Variants in STX8 observed in about 807,000 individuals in gnomAD.
STX8 encodes the protein syntaxin-8.
A neutral mutation model predicts 37.5 loss-of-function variants in STX8; 23 were observed. The ratio of observed to expected loss-of-function variants is 0.61; its 90% CI spans 0.44 to 0.87. STX8 has a LOEUF of 0.87. STX8 is among the 40% of genes least tolerant of loss of function. The pLI is 0.00. For missense variants in STX8, 313 were observed against 284.7 expected, an observed-to-expected ratio of 1.10 and a Z score of -0.71; for synonymous variants, 115 against 99.1, an observed-to-expected ratio of 1.16 and a Z score of -0.95.
chr17:9,346,475 A>G (rs1264175130), intron 7 of STX8, among the ~76,000 whole-genome samples: 1 of 152,130 alleles, frequency 6.6e-6, no homozygotes, highest in African/African-American at 2.4e-5. Context: ...GAGAAGTACC[A>G]CGGAAAGAAA....
intron 7 of STX8, among the ~76,000 whole-genome samples, chr17:9,308,113 A>C (rs1425483708): frequency 6.6e-6 from 1 of 152,230 alleles, no homozygotes; most frequent in Non-Finnish European, 1.5e-5. Context: ...TTTTATGCTT[A>C]GATTCAATGA....
At chr17:9,481,681 A>G (rs550337392) in intron 6 of STX8, among the ~76,000 whole-genome samples, 3 of 152,310 alleles carry the variant, frequency 2.0e-5, no homozygotes, top group East Asian at 3.9e-4. Context: ...CCGCAGACCA[A>G]CACCAGTCCA....
intron 7 of STX8, among the ~76,000 whole-genome samples, chr17:9,318,860 A>G (rs991924214): frequency 6.6e-6 from 1 of 152,202 alleles, no homozygotes; most frequent in South Asian, 2.1e-4. Context: ...ATGAGATCAG[A>G]GAAACAGAAT....
chr17:9,468,378 G>A (rs758011581), intron 6 of STX8, among the ~76,000 whole-genome samples: 6 of 152,128 alleles, frequency 3.9e-5, no homozygotes, highest in Admixed American at 3.9e-4. Context: ...CCAAAGTGCT[G>A]GGATTACAGG....
chr17:9,484,429 T>C (rs567720928), intron 6 of STX8, among the ~76,000 whole-genome samples: 18 of 147,602 alleles, frequency 1.2e-4, no homozygotes, highest in Middle Eastern at 7.2e-3. Flanking sequence ...GCAAGATGTA[T>C]GCTGAGGTGG....
rs183903440 is a variant in STX8 at position 9,500,725 on chromosome 17, G to C, written c.448+4313C>G. 2.1e-3 allele frequency among the ~76,000 whole-genome samples: 324 copies of C among 152,334 alleles called. 1 individual carries two copies. The highest frequency in any genetic ancestry group is 7.2e-3 in the African/African-American group (300 of 41,562). On this transcript the variant is annotated intron_variant, in intron 5 of 7. Coordinates refer to ENST00000306357, the MANE Select transcript of STX8 (RefSeq NM_004853.3). ...ACTTAGAATAAAAGATATGAAGGCC[G>C]GGCGTGCTGGCTCACGCCTGTAATA... is the stretch of plus-strand genomic sequence containing the variant.
chr17:9,335,813 T>TCA (rs550377071), intron 7 of STX8, among the ~76,000 whole-genome samples: 1,658 of 147,106 alleles, frequency 0.011, 13 homozygotes, highest in South Asian at 0.019. Flanking sequence ...TCTCTCTCTC[T>TCA]CACACACACA....
chr17:9,513,667 CT>C (rs1313982120), intron 4 of STX8, among the ~76,000 whole-genome samples: 2 of 152,226 alleles, frequency 1.3e-5, no homozygotes, highest in Admixed American at 6.5e-5. Flanking sequence ...AATCCCCCTA[CT>C]GGGCACTTAT....
At chr17:9,484,614 G>A (rs564159888) in intron 6 of STX8, among the ~76,000 whole-genome samples, 64 of 147,332 alleles carry the variant, frequency 4.3e-4, no homozygotes, top group African/African-American at 1.5e-3. Context: ...TCAGGAGTTC[G>A]AGACCAGCCT....
intron 7 of STX8, among the ~76,000 whole-genome samples, chr17:9,373,983 G>A (rs1447725313): frequency 6.6e-6 from 1 of 150,518 alleles, no homozygotes; most frequent in Non-Finnish European, 1.5e-5. Context: ...GCCACGAAGT[G>A]AGACTCTATC....
chr17:9,328,268 C>T (rs1909843228), intron 7 of STX8, among the ~76,000 whole-genome samples: 1 of 149,604 alleles, frequency 6.7e-6, no homozygotes, highest in South Asian at 2.1e-4. Context: ...GTTCTAGTTT[C>T]TATGGCCTGC....
intron 6 of STX8, chr17:9,469,829 G>C (rs950672800): frequency 6.6e-6 from 1 of 152,188 alleles, no homozygotes; most frequent in African/African-American, 2.4e-5. Flanking sequence ...CAGAAGCAGA[G>C]AGGAGGGTCA....
At chr17:9,564,678 C>T (rs763982592) in intron 2 of STX8, among the ~76,000 whole-genome samples, 1 of 152,092 alleles carries the variant, frequency 6.6e-6, no homozygotes, top group Non-Finnish European at 1.5e-5. Context: ...AGAAGAACTA[C>T]AAAACACTGC....
chr17:9,305,541 A>G (rs1014257652), intron 7 of STX8: 4 of 152,172 alleles, frequency 2.6e-5, no homozygotes, highest in Non-Finnish European at 5.9e-5. Flanking sequence ...TGCATTCTCA[A>G]TTAATGGTAT....
intron 7 of STX8, among the ~76,000 whole-genome samples, chr17:9,333,850 ATTTGTAACTGCCCAG>A (rs2142221296): frequency 6.6e-6 from 1 of 152,214 alleles, no homozygotes; most frequent in South Asian, 2.1e-4. Flanking sequence ...ACCTTACCCA[ATTTGTAACTGCCCAG>A]TGGGTTCACC....
chr17:9,480,487 C>A (rs1056681228), intron 6 of STX8, among the ~76,000 whole-genome samples: 1 of 152,146 alleles, frequency 6.6e-6, no homozygotes, highest in Non-Finnish European at 1.5e-5. Flanking sequence ...TGAGTTGCTG[C>A]CACTGCTGCT....
At chr17:9,333,450 T>C (rs146112587) in intron 7 of STX8, among the ~76,000 whole-genome samples, 1,560 of 152,310 alleles carry the variant, frequency 0.01, 9 homozygotes, top group African/African-American at 0.021. Context: ...TGCAGTGGCA[T>C]GATCTCGGCT....
At chr17:9,267,368 T>C (rs959048289) in intron 7 of STX8, among the ~76,000 whole-genome samples, 8 of 152,262 alleles carry the variant, frequency 5.3e-5, no homozygotes, top group Admixed American at 4.6e-4. Flanking sequence ...CTGCTGGAAA[T>C]TGTTCTTGCT....
At chr17:9,516,712 A>T (rs560995792) in intron 4 of STX8, among the ~76,000 whole-genome samples, 113 of 152,274 alleles carry the variant, frequency 7.4e-4, no homozygotes, top group African/African-American at 2.7e-3. Flanking sequence ...TACTAGGAAA[A>T]TACGAAAAAT....
Sources: allele counts gnomAD v4.1 joint callset (sites outside exome capture counted in the v4.1 genomes callset), GRCh38; gene constraint gnomAD v4.1.1; transcripts MANE v1.5; gene names NCBI Gene and HGNC (gene_info 2026-07-23, HGNC 2026-07-21).